The following KMT2E variants were observed in gnomAD, a reference collection of about 807,000 sequenced individuals.
KMT2E encodes the protein lysine methyltransferase 2E (inactive).
In KMT2E, 30 loss-of-function variants were observed where a neutral mutation model predicts 184.6. That is an observed-to-expected ratio of 0.16 (90% confidence interval 0.12 to 0.22). The LOEUF (loss-of-function observed/expected upper bound fraction) is 0.22. Ranked by LOEUF, KMT2E falls within the 10% of genes least tolerant of loss-of-function variation. The pLI is 1.00. For missense variants in KMT2E, 2,023 were observed against 2,237.4 expected, an observed-to-expected ratio of 0.90 and a Z score of 1.93; for synonymous variants, 815 against 776.5, an observed-to-expected ratio of 1.05 and a Z score of -0.82.
intron 3 of KMT2E, among the ~76,000 whole-genome samples, chr7:105,054,837 C>T (rs1458403015): frequency 6.6e-6 from 1 of 152,096 alleles, no homozygotes; most frequent in Non-Finnish European, 1.5e-5. Context: ...ATTTTAATAT[C>T]TCTTTGTTAA....
In KMT2E at chr7:105,107,884, G is replaced by A. The variant is rs1301238613; in HGVS notation, c.3427G>A (p.Asp1143Asn). 4.3e-6 allele frequency: 7 copies of A among 1,613,564 alleles called. No individual in the cohort carries two copies. The highest frequency in any genetic ancestry group is 2.7e-5 in the African/African-American group (2 of 74,888). ...FGRTVNDNLI[D>N]GNCTPQNPPQ... ...ACGGACTGTTAATGACAATTTGATC[G>A]ACGGGAATTGCACACCCCAGAATCC... Residue 1143 changes from aspartate to asparagine, a missense_variant, in exon 22 of 27, where the codon GAC becomes AAC. By Grantham distance (23) the Asp-to-Asn change is conservative. This residue lies in a region of KMT2E where 1,108 missense variants were observed against 1,050.9 expected (regional missense o/e 1.05). Transcript: ENST00000311117.
chr7:105,041,157 A>AG, intron 3 of KMT2E, 134 bp downstream of exon 3: 1 of 578,258 alleles, frequency 1.7e-6, no homozygotes, highest in Non-Finnish European at 3.0e-6. Flanking sequence ...AAAAAAAAAA[A>AG]GCGAAGTTAC....
At chr7:105,106,839 T>G in intron 20 of KMT2E, 67 bp downstream of exon 20, 4 of 1,464,830 alleles carry the variant, frequency 2.7e-6, no homozygotes, top group Non-Finnish European at 3.8e-6. Flanking sequence ...TTAAGAGCTC[T>G]TTCCCCTCCT....
At position 105,105,616 on chromosome 7, in the gene KMT2E, A is replaced by G. The variant is rs1287870486; in HGVS notation, c.2374A>G (p.Arg792Gly). Residue 792 changes from arginine to glycine, a missense_variant, in exon 18 of 27, where the codon AGA becomes GGA. Around this residue, in one of 8 missense-constraint regions of KMT2E, gnomAD observed 514 missense variants for 621.8 expected, o/e 0.83. Transcript: ENST00000311117. ...ATACTCCACTCCTAAGCATTATATT[A>G]GATTTACTTCACCATTCCTTTCAGA... is the stretch of plus-strand genomic sequence containing the variant. ...HVYSTPKHYI[R>G]FTSPFLSEKR... The G allele has an allele frequency of 6.2e-7, 1 of 1,613,296 alleles. No individual in the cohort carries two copies. The highest frequency in any genetic ancestry group is 1.1e-5 in the South Asian group (1 of 90,942).
At chr7:105,110,258 T>C in intron 23 of KMT2E, 22 bp from the exon 24 acceptor site, 1 of 1,590,270 alleles carries the variant, frequency 6.3e-7, no homozygotes, top group Non-Finnish European at 8.6e-7. Flanking sequence ...CAATAGAGGA[T>C]AATGTGATTT....
chr7:105,019,528 A>T (rs1393049627), intron 1 of KMT2E, among the ~76,000 whole-genome samples: 2 of 152,246 alleles, frequency 1.3e-5, no homozygotes, highest in African/African-American at 4.8e-5. Flanking sequence ...ATCAAAACAG[A>T]CACTACGTCT....
chr7:105,046,182 C>T (rs528434020), intron 3 of KMT2E, among the ~76,000 whole-genome samples: 1 of 152,270 alleles, frequency 6.6e-6, no homozygotes, highest in South Asian at 2.1e-4. Flanking sequence ...CTCGTCCTCT[C>T]TAATAAATTC....
At chr7:105,055,691 CATG>C in intron 3 of KMT2E, among the ~76,000 whole-genome samples, 1 of 152,302 alleles carries the variant, frequency 6.6e-6, no homozygotes, top group Non-Finnish European at 1.5e-5. Context: ...TTAAATGTGT[CATG>C]TTGTTGTTAT....
intron 6 of KMT2E, 53 bp from the exon 7 acceptor site, chr7:105,073,566 G>T: frequency 8.9e-7 from 1 of 1,122,516 alleles, no homozygotes; most frequent in African/African-American, 1.5e-5. Flanking sequence ...TCACATTTAA[G>T]ACAGATCTGC....
chr7:105,056,773 A>G (rs553537030), intron 3 of KMT2E, among the ~76,000 whole-genome samples: 1 of 152,334 alleles, frequency 6.6e-6, no homozygotes, highest in Admixed American at 6.5e-5. Context: ...AAGTAGTGTA[A>G]TGTATCTGTG....
At chr7:105,091,062 GA>G (rs1171102409) in intron 14 of KMT2E, among the ~76,000 whole-genome samples, 153 bp from the exon 15 acceptor site, 3 of 152,162 alleles carry the variant, frequency 2.0e-5, no homozygotes, top group Non-Finnish European at 2.9e-5. Flanking sequence ...AAAGTATCTT[GA>G]ATTAGGAAAC....
In KMT2E at chr7:105,109,031, C is replaced by T. The variant is rs142479903; in HGVS notation, c.3558C>T (p.Pro1186=). The T allele has an allele frequency of 2.5e-6, 4 of 1,614,002 alleles. No homozygotes were observed. In the African/African-American group the frequency reaches 5.3e-5, roughly 22 times the overall value. The change falls in exon 23 of 27, where the codon CCC becomes CCT. Residue 1186 remains proline (P), a synonymous_variant. Transcript: ENST00000311117. ...TENFPLISVS[P]HASGSLSNNG... ...ACTTTCCACTCATTAGTGTATCACC[C>T]CATGCAAGTGGAAGCTTGAGCAACA...
chr7:105,015,138 C>T (rs1012983158), intron 1 of KMT2E, among the ~76,000 whole-genome samples: 1 of 152,136 alleles, frequency 6.6e-6, no homozygotes, highest in Non-Finnish European at 1.5e-5. Context: ...CCCCAGTACC[C>T]AGCCTTCTCA....
chr7:105,043,809 A>G (rs1266558305), intron 3 of KMT2E, among the ~76,000 whole-genome samples: 1 of 152,212 alleles, frequency 6.6e-6, no homozygotes, highest in African/African-American at 2.4e-5. Context: ...TAAATAATTC[A>G]GCTCAGTGTG....
chr7:105,110,375 G>C lies in KMT2E; in HGVS notation c.3844+7G>C. 1.2e-6 allele frequency: 2 copies of C among 1,613,978 alleles called. No individual in the cohort carries two copies. Among genetic ancestry groups the C allele is most frequent in the Non-Finnish European group, 1.7e-6 (2 of 1,179,870 alleles). On this transcript the variant is annotated splice_region_variant and intron_variant, in intron 24 of 26. Transcript: ENST00000311117. ...CGAAAAGATAAAGATAGTGGTAAGT[G>C]AGCTTGTTCCTTCACCAGAAAGTGG...
intron 1 of KMT2E, among the ~76,000 whole-genome samples, chr7:105,019,847 C>T (rs922674541): frequency 6.6e-6 from 1 of 152,092 alleles, no homozygotes; most frequent in African/African-American, 2.4e-5. Context: ...TGGCTCATAC[C>T]TGTAATTTCA....
At chr7:105,053,393 C>G (rs1796426452) in intron 3 of KMT2E, among the ~76,000 whole-genome samples, 1 of 151,512 alleles carries the variant, frequency 6.6e-6, no homozygotes, top group South Asian at 2.1e-4. Flanking sequence ...AGTATTTTTA[C>G]TATGAAATTT....
intron 1 of KMT2E, among the ~76,000 whole-genome samples, chr7:105,021,864 TA>T (rs1794969931): frequency 1.3e-5 from 2 of 152,174 alleles, no homozygotes. Context: ...TGAGGAATGC[TA>T]AAAAACCAAG....
chr7:105,076,336 C>G (rs1797525556), intron 9 of KMT2E, among the ~76,000 whole-genome samples: 1 of 152,072 alleles, frequency 6.6e-6, no homozygotes, highest in Admixed American at 6.6e-5. Context: ...ATTTGAATTT[C>G]CTTTATTACT....
Sources: gnomAD v4.1 joint callset for allele counts (sites outside exome capture counted in the v4.1 genomes callset) on GRCh38, gnomAD v4.1.1 for gene constraint, gnomAD v4.1.1 regional missense constraint, MANE v1.5 for transcripts, NCBI Gene and HGNC (gene_info 2026-07-23, HGNC 2026-07-21) for gene names.